Variants in SNCAIP observed in about 807,000 individuals in gnomAD.
SNCAIP encodes synuclein alpha interacting protein.
Under a neutral mutation model 86.7 loss-of-function variants are expected in SNCAIP, and 43 were observed. The ratio of observed to expected loss-of-function variants is 0.50; its 90% CI spans 0.39 to 0.64. SNCAIP has a LOEUF of 0.64. Ranked by LOEUF, SNCAIP falls within the 30% of genes least tolerant of loss-of-function variation. The pLI, the probability that SNCAIP is intolerant of heterozygous loss-of-function variation, is 0.00. For missense variants in SNCAIP, 981 were observed against 1,103.1 expected, an observed-to-expected ratio of 0.89 and a Z score of 1.57; for synonymous variants, 417 against 427.2, an observed-to-expected ratio of 0.98 and a Z score of 0.29.
intron 1 of SNCAIP, among the ~76,000 whole-genome samples, chr5:122,355,246 G>A (rs1327220470): frequency 1.3e-5 from 2 of 152,078 alleles, no homozygotes; most frequent in Non-Finnish European, 2.9e-5. Context: ...ATCTCTTGAA[G>A]TTTGCATATT....
At chr5:122,374,257 C>T (rs911410848) in intron 1 of SNCAIP, among the ~76,000 whole-genome samples, 1 of 152,174 alleles carries the variant, frequency 6.6e-6, no homozygotes, top group Non-Finnish European at 1.5e-5. Context: ...GCTGATCACT[C>T]CACTTTGGAT....
chr5:122,393,188 G>T (rs1030183009), intron 2 of SNCAIP, among the ~76,000 whole-genome samples: 1 of 152,040 alleles, frequency 6.6e-6, no homozygotes, highest in African/African-American at 2.4e-5. Flanking sequence ...TCGATTGTTT[G>T]GTCCTTTAAC....
intron 3 of SNCAIP, among the ~76,000 whole-genome samples, chr5:122,411,548 T>C (rs564345721): frequency 3.9e-4 from 59 of 152,178 alleles, no homozygotes; most frequent in Admixed American, 2.0e-3. Context: ...CATATCTCCT[T>C]TGCTCTGACT....
At chr5:122,448,662 T>TTTTATATATATA (rs1782942341) in intron 8 of SNCAIP, among the ~76,000 whole-genome samples, 1 of 113,792 alleles carries the variant, frequency 8.8e-6, no homozygotes, top group Admixed American at 9.9e-5. Context: ...TTATATATAT[T>TTTTATATATATA]ATATATATTA....
rs147594642 is a variant in SNCAIP at position 122,423,402 on chromosome 5, C to T, written c.665C>T (p.Ser222Leu). 2,010 of 1,613,594 alleles carry T rather than the reference C, an allele frequency of 1.2e-3. 1 individual carries two copies. Among genetic ancestry groups the T allele is most frequent in the Non-Finnish European group, 1.6e-3 (1,848 of 1,179,732 alleles). Residue 222 changes from serine to leucine, a missense_variant, in exon 4 of 11, where the codon TCA becomes TTA. Ser to Leu is a moderately radical substitution (Grantham distance 145, BLOSUM62 -2). Coordinates refer to ENST00000261368, the MANE Select transcript of SNCAIP (RefSeq NM_005460.4). Reference protein sequence around the residue: ...PVKSPHLRKASAVIHDQHKLS... With the variant: ...PVKSPHLRKALAVIHDQHKLS... ...AAAAGCCCTCACTTGAGAAAAGCAT[C>T]AGCTGTCATCCACGACCAGCACAAG... is the stretch of plus-strand genomic sequence containing the variant.
At chr5:122,343,152 C>G (rs1440297267) in intron 1 of SNCAIP, among the ~76,000 whole-genome samples, 1 of 152,180 alleles carries the variant, frequency 6.6e-6, no homozygotes, top group African/African-American at 2.4e-5. Flanking sequence ...CATCTGAATG[C>G]TGAAACCAAC....
At chr5:122,347,495 T>C (rs1758858232) in intron 1 of SNCAIP, among the ~76,000 whole-genome samples, 1 of 151,778 alleles carries the variant, frequency 6.6e-6, no homozygotes, top group African/African-American at 2.4e-5. Context: ...TGTATTCATG[T>C]GGGCACATGT....
In SNCAIP at chr5:122,444,744, G is replaced by T. The variant is rs755759071; in HGVS notation, c.1592+12G>T. 1.1e-5 allele frequency: 18 copies of T among 1,611,986 alleles called. No individual in the cohort carries two copies. The highest frequency in any genetic ancestry group is 1.4e-5 in the Non-Finnish European group (16 of 1,178,080). On this transcript the variant is annotated intron_variant, in intron 8 of 10. Transcript: ENST00000261368. ...AAGCAGCTAAAGGAGTAAGTGGCCT[G>T]TTGGTTCCATGAGAACCAAGTCTAA...
chr5:122,453,539 T>C (rs1784131240), intron 10 of SNCAIP, among the ~76,000 whole-genome samples: 1 of 152,156 alleles, frequency 6.6e-6, no homozygotes, highest in Non-Finnish European at 1.5e-5. Flanking sequence ...TGCCCTCTAA[T>C]AAAACAAGGG....
At chr5:122,392,560 G>A (rs182683980) in intron 2 of SNCAIP, among the ~76,000 whole-genome samples, 13 of 152,318 alleles carry the variant, frequency 8.5e-5, no homozygotes, top group South Asian at 2.1e-4. Context: ...ATGTAGGTAG[G>A]ATGGAAGGTG....
chr5:122,317,093 T>G (rs1365015357), intron 1 of SNCAIP, among the ~76,000 whole-genome samples: 1 of 152,166 alleles, frequency 6.6e-6, no homozygotes, highest in East Asian at 1.9e-4. Context: ...TCATTATAAG[T>G]GTAGAGTTTG....
chr5:122,335,087 C>T (rs1756162253), intron 1 of SNCAIP, among the ~76,000 whole-genome samples: 1 of 152,156 alleles, frequency 6.6e-6, no homozygotes, highest in African/African-American at 2.4e-5. Context: ...CTTAAATACA[C>T]ATTTTTAAGG....
chr5:122,393,982 T>A (rs886823548), intron 2 of SNCAIP, among the ~76,000 whole-genome samples: 9 of 152,316 alleles, frequency 5.9e-5, no homozygotes, highest in African/African-American at 2.2e-4. Context: ...CTTTAAGGGC[T>A]AAGTGGAGAT....
intron 1 of SNCAIP, among the ~76,000 whole-genome samples, chr5:122,344,183 C>T (rs1036278989): frequency 6.6e-6 from 1 of 152,076 alleles, no homozygotes; most frequent in Non-Finnish European, 1.5e-5. Context: ...GACATTTTTT[C>T]TTTAGTGCTA....
At chr5:122,313,595 G>A (rs775773190) in intron 1 of SNCAIP, among the ~76,000 whole-genome samples, 8 of 152,220 alleles carry the variant, frequency 5.3e-5, no homozygotes, top group Non-Finnish European at 1.0e-4. Flanking sequence ...AAATTTAAAA[G>A]GCAAAGAACA....
At chr5:122,377,314 T>A (rs1286675343) in intron 1 of SNCAIP, among the ~76,000 whole-genome samples, 2 of 152,086 alleles carry the variant, frequency 1.3e-5, no homozygotes, top group Non-Finnish European at 2.9e-5. Context: ...ATACAATATG[T>A]TTTTTCTTTG....
chr5:122,378,047 A>G (rs1292129396), intron 1 of SNCAIP, among the ~76,000 whole-genome samples: 1 of 148,602 alleles, frequency 6.7e-6, no homozygotes, highest in Non-Finnish European at 1.5e-5. Flanking sequence ...TCCTTTGGGT[A>G]TATACCCAGT....
chr5:122,433,291 G>A (rs1778771087), intron 6 of SNCAIP, among the ~76,000 whole-genome samples: 1 of 152,118 alleles, frequency 6.6e-6, no homozygotes, highest in South Asian at 2.1e-4. Context: ...AGAGCTTGTT[G>A]TGTTTATCCC....
At position 122,451,822 on chromosome 5, in the gene SNCAIP, T is replaced by TAA; in HGVS notation, c.2754+230_2754+231dup. 3.7e-5 allele frequency: 17 copies of TAA among 462,024 alleles called. No individual in the cohort carries two copies. The East Asian group carries it at 5.5e-4, about 15-fold the overall frequency. The allele number at this position is 462,024 out of a possible 1,614,324, so 28.6% of individuals were successfully genotyped here. ...GGAAAATACTCTAAGAGAGAAAGGTTAAAAAAAAAATAAGAGATTATATTC... is the reference window on the plus strand; with the variant it reads ...GGAAAATACTCTAAGAGAGAAAGGTTAAAAAAAAAAAATAAGAGATTATATTC... On this transcript the variant is annotated intron_variant, in intron 10 of 10. Coordinates refer to ENST00000261368, the MANE Select transcript of SNCAIP (RefSeq NM_005460.4).
Sources: gnomAD v4.1 joint callset for allele counts (sites outside exome capture counted in the v4.1 genomes callset) on GRCh38, gnomAD v4.1.1 for gene constraint, MANE v1.5 for transcripts, NCBI Gene and HGNC (gene_info 2026-07-23, HGNC 2026-07-21) for gene names.